Variants in ARHGEF33 observed in about 807,000 individuals in gnomAD.
ARHGEF33 encodes the protein DH and coiled-coil domain-containing protein ENSP00000381780.
ARHGEF33 carries 72 observed loss-of-function variants against 101.9 expected under a neutral mutation model. The observed-to-expected ratio is 0.71, with a 90% CI of 0.58 to 0.86. The LOEUF is 0.86. ARHGEF33 is among the 40% of genes least tolerant of loss of function. The probability of loss-of-function intolerance (pLI) is 0.00; values close to 1 mark genes in which losing one functional copy is unlikely to be tolerated. For synonymous variants in ARHGEF33, 499 were observed against 442.5 expected, an observed-to-expected ratio of 1.13 and a Z score of -1.60; for missense variants, 1,169 against 1,111.3, an observed-to-expected ratio of 1.05 and a Z score of -0.74.
chr2:38,963,547 G>C (rs765408590), intron 16 of ARHGEF33, among the ~76,000 whole-genome samples: 1 of 152,142 alleles, frequency 6.6e-6, no homozygotes, highest in Non-Finnish European at 1.5e-5. Context: ...GTTGTTGGGA[G>C]GATCAGGCCA....
intron 2 of ARHGEF33, among the ~76,000 whole-genome samples, chr2:38,909,871 GATTA>G (rs1252171470): frequency 1.3e-5 from 2 of 151,584 alleles, no homozygotes; most frequent in African/African-American, 2.4e-5. Flanking sequence ...GCGTTACATT[GATTA>G]ATTAATTCTA....
intron 17 of ARHGEF33, chr2:38,971,720 TGTTA>T (rs1668170386): frequency 1.5e-6 from 1 of 673,188 alleles, no homozygotes; most frequent in Non-Finnish European, 2.7e-6. Flanking sequence ...GCAATTTAGC[TGTTA>T]GTTTAATTAA....
At chr2:38,906,945 C>T (rs1348274901) in intron 2 of ARHGEF33, among the ~76,000 whole-genome samples, 1 of 151,998 alleles carries the variant, frequency 6.6e-6, no homozygotes, top group Non-Finnish European at 1.5e-5. Context: ...ATGAGACCCC[C>T]TGTCTCAAAA....
intron 2 of ARHGEF33, among the ~76,000 whole-genome samples, chr2:38,900,207 A>T (rs565034749): frequency 1.3e-5 from 2 of 152,234 alleles, no homozygotes; most frequent in South Asian, 4.1e-4. Flanking sequence ...AAAAATAAAT[A>T]AGTAAATACA....
chr2:38,909,264 C>A (rs1666458449), intron 2 of ARHGEF33, among the ~76,000 whole-genome samples: 2 of 152,072 alleles, frequency 1.3e-5, no homozygotes, highest in African/African-American at 2.4e-5. Flanking sequence ...AATAAGGCCA[C>A]TTATTGTTTG....
chr2:38,952,321 A>T (rs1001468411), intron 11 of ARHGEF33, among the ~76,000 whole-genome samples: 1 of 152,236 alleles, frequency 6.6e-6, no homozygotes, highest in Non-Finnish European at 1.5e-5. Flanking sequence ...TGTGTTCAGT[A>T]TGCTTCCTTT....
intron 7 of ARHGEF33, 64 bp downstream of exon 7, chr2:38,931,315 T>A: frequency 7.1e-7 from 1 of 1,405,998 alleles, no homozygotes. Flanking sequence ...CAATTAAGAA[T>A]GGGCTTAAAC....
At chr2:38,898,052 C>G (rs1010006642) in intron 2 of ARHGEF33, among the ~76,000 whole-genome samples, 2 of 152,134 alleles carry the variant, frequency 1.3e-5, no homozygotes, top group Non-Finnish European at 2.9e-5. Flanking sequence ...CGATTTTGAT[C>G]AAGACTTTCA....
At chr2:38,967,361 C>A (rs1333945102) in intron 17 of ARHGEF33, among the ~76,000 whole-genome samples, 1 of 152,186 alleles carries the variant, frequency 6.6e-6, no homozygotes, top group African/African-American at 2.4e-5. Flanking sequence ...GCCCTGCATT[C>A]TCTCTCAGTT....
At chr2:38,946,339 G>C (rs923700154) in intron 10 of ARHGEF33, among the ~76,000 whole-genome samples, 4 of 152,144 alleles carry the variant, frequency 2.6e-5, no homozygotes, top group African/African-American at 7.2e-5. Flanking sequence ...AAAAATTAAA[G>C]CTATCATACA....
At chr2:38,939,561 T>C (rs1319224932) in intron 9 of ARHGEF33, among the ~76,000 whole-genome samples, 1 of 152,216 alleles carries the variant, frequency 6.6e-6, no homozygotes, top group African/African-American at 2.4e-5. Context: ...TAGTTTTAAT[T>C]TGCAGTTCCC....
chr2:38,932,023 C>T (rs1375453581), intron 7 of ARHGEF33, among the ~76,000 whole-genome samples: 1 of 152,206 alleles, frequency 6.6e-6, no homozygotes, highest in Non-Finnish European at 1.5e-5. Context: ...TTTATATACT[C>T]ATAGACAATG....
At chr2:38,921,536 C>T in intron 4 of ARHGEF33, 113 bp downstream of exon 4, 1 of 739,078 alleles carries the variant, frequency 1.4e-6, no homozygotes. Context: ...TATCGTTGCA[C>T]TTGTTCTCTT....
At position 38,960,501 on chromosome 2, in the gene ARHGEF33, C is replaced by T. The variant is rs1234750522; in HGVS notation, c.2196C>T (p.Ser732=). ...APRLYSTRSS[S]GGRAPIKAER... is the part of the protein sequence containing the mutation. ...GCCTCTACAGCACGCGCAGCAGCAG[C>T]GGCGGCCGCGCGCCCATCAAGGCCG... Residue 732 remains serine, a synonymous_variant, in exon 16 of 18, where the codon AGC becomes AGT. Coordinates refer to ENST00000409978, the MANE Select transcript of ARHGEF33 (RefSeq NM_001145451.5). 17 of 1,352,900 alleles carry T rather than the reference C, an allele frequency of 1.3e-5. No homozygotes were observed. Among genetic ancestry groups the T allele is most frequent in the Non-Finnish European group, 1.5e-5 (16 of 1,052,660 alleles). The allele number at this position is 1,352,900 out of a possible 1,614,324, so 83.8% of individuals were successfully genotyped here.
At chr2:38,961,774 A>G (rs6544184) in intron 16 of ARHGEF33, among the ~76,000 whole-genome samples, 141,740 of 151,802 alleles carry the variant, frequency 0.93, 66,283 homozygotes, top group African/African-American at 0.95. Context: ...GCACATGGGA[A>G]GGATATTTAA....
chr2:38,956,346 G>A lies in ARHGEF33; in HGVS notation c.1222-553G>A, dbSNP rs1335085638. Among the ~76,000 whole-genome samples the A allele has an allele frequency of 2.6e-5, 4 of 152,120 alleles. No homozygotes were observed. In the South Asian group the frequency reaches 6.2e-4, roughly 24 times the overall value. On this transcript the variant is annotated intron_variant, in intron 13 of 17. Transcript: ENST00000409978. ...TTTATAATGGTACCTATTTAAGCAC[G>A]TTGCGGTAACAATTAAATGAGATAA...
rs1402265466 is a variant in ARHGEF33 at position 38,935,767 on chromosome 2, C to A, written c.506-8C>A. On this transcript the variant is annotated splice_region_variant and splice_polypyrimidine_tract_variant and intron_variant, in intron 7 of 17. Coordinates refer to ENST00000409978, the MANE Select transcript of ARHGEF33 (RefSeq NM_001145451.5). ...GAACGCTGAATGAATGCTTTCCTTTCTCTGCAGCCCAAGAGTCCAGATCTG... is the reference window on the plus strand; with the variant it reads ...GAACGCTGAATGAATGCTTTCCTTTATCTGCAGCCCAAGAGTCCAGATCTG... The A allele has an allele frequency of 6.4e-7, 1 of 1,551,532 alleles. No individual in the cohort carries two copies. Among genetic ancestry groups the A allele is most frequent in the South Asian group, 1.2e-5 (1 of 83,966 alleles).
intron 16 of ARHGEF33, among the ~76,000 whole-genome samples, chr2:38,962,322 G>A (rs948997599): frequency 2.0e-5 from 3 of 152,208 alleles, no homozygotes; most frequent in African/African-American, 7.2e-5. Context: ...AGTCTGTACT[G>A]TAAAGAACTT....
chr2:38,929,567 C>T (rs534227700), intron 5 of ARHGEF33, 142 bp from the exon 6 acceptor site: 335 of 596,474 alleles, frequency 5.6e-4, no homozygotes, highest in Admixed American at 2.3e-3. Flanking sequence ...TTTGAGGCCA[C>T]GATGGAAGTA....
Sources: allele counts gnomAD v4.1 joint callset (sites outside exome capture counted in the v4.1 genomes callset), GRCh38; gene constraint gnomAD v4.1.1; transcripts MANE v1.5; gene names NCBI Gene and HGNC (gene_info 2026-07-23, HGNC 2026-07-21).